TRIP12: variants seen among roughly 807,000 people sequenced by gnomAD.
TRIP12 encodes thyroid hormone receptor interactor 12.
A neutral mutation model predicts 244.2 loss-of-function variants in TRIP12; 25 were observed. That is an observed-to-expected ratio of 0.10 (90% confidence interval 0.07 to 0.14). TRIP12 has a LOEUF of 0.14. Among genes scored for constraint, TRIP12 ranks in the 10% least tolerant of loss-of-function variants. TRIP12 has a pLI of 1.00. For synonymous variants in TRIP12, 905 were observed against 873.1 expected (o/e 1.04, Z -0.64); for missense variants, 1,677 against 2,486.4 (o/e 0.67, Z 6.92).
intron 1 of TRIP12, among the ~76,000 whole-genome samples, chr2:229,880,815 A>C (rs2064693839): frequency 6.6e-6 from 1 of 152,058 alleles, no homozygotes; most frequent in African/African-American, 2.4e-5. Context: ...GTGGTGGCGC[A>C]CATTTGTAAA....
chr2:229,821,203 G>C (rs1456552827), intron 8 of TRIP12, among the ~76,000 whole-genome samples: 1 of 152,160 alleles, frequency 6.6e-6, no homozygotes, highest in East Asian at 1.9e-4. Context: ...GTACCGTTTA[G>C]TGCCACTGCT....
chr2:229,908,849 T>C (rs2073603011), intron 1 of TRIP12, among the ~76,000 whole-genome samples: 1 of 152,106 alleles, frequency 6.6e-6, no homozygotes, highest in African/African-American at 2.4e-5. Flanking sequence ...CCCAGCATTC[T>C]GGGAGGCCGA....
intron 1 of TRIP12, among the ~76,000 whole-genome samples, chr2:229,882,535 A>G (rs1006054086): frequency 2.0e-5 from 3 of 152,166 alleles, no homozygotes; most frequent in South Asian, 2.1e-4. Flanking sequence ...AGCACATCAA[A>G]GAATAAAAGG....
intron 2 of TRIP12, among the ~76,000 whole-genome samples, chr2:229,874,701 A>G (rs1235816938): frequency 6.6e-6 from 1 of 152,222 alleles, no homozygotes; most frequent in Admixed American, 6.5e-5. Context: ...AGCTACACGT[A>G]TAGAAAAGAC....
intron 1 of TRIP12, among the ~76,000 whole-genome samples, chr2:229,904,410 C>T (rs1184719240): frequency 7.4e-5 from 6 of 81,262 alleles, no homozygotes; most frequent in African/African-American, 3.6e-4. Context: ...AGTGAGACTC[C>T]ATCTCCAAAA....
chr2:229,856,498 A>G (rs1014339024), intron 4 of TRIP12, among the ~76,000 whole-genome samples: 3 of 152,218 alleles, frequency 2.0e-5, no homozygotes, highest in African/African-American at 7.2e-5. Flanking sequence ...AAGAAAAGAA[A>G]GCTGATCTCT....
intron 8 of TRIP12, among the ~76,000 whole-genome samples, chr2:229,820,882 G>A (rs533820946): frequency 9.2e-5 from 14 of 152,214 alleles, no homozygotes; most frequent in African/African-American, 2.9e-4. Flanking sequence ...GAGCCACCGC[G>A]CCTGGCCCAA....
intron 15 of TRIP12, among the ~76,000 whole-genome samples, chr2:229,809,856 C>T (rs1428308118): frequency 1.3e-5 from 2 of 152,154 alleles, no homozygotes. Flanking sequence ...AAATATAAAA[C>T]TGAGTTCCCC....
At chr2:229,877,497 C>T (rs891740704) in intron 2 of TRIP12, among the ~76,000 whole-genome samples, 2 of 152,192 alleles carry the variant, frequency 1.3e-5, no homozygotes, top group African/African-American at 4.8e-5. Flanking sequence ...CACAGCACTG[C>T]ACTCCGGCCT....
chr2:229,888,645 A>C (rs2066576755), intron 1 of TRIP12, among the ~76,000 whole-genome samples: 1 of 152,142 alleles, frequency 6.6e-6, no homozygotes, highest in South Asian at 2.1e-4. Context: ...CTCTACACAA[A>C]ATACAAAAAT....
chr2:229,807,987 A>T (rs556235934), intron 16 of TRIP12, 123 bp from the exon 17 acceptor site: 6 of 1,045,858 alleles, frequency 5.7e-6, no homozygotes, highest in Non-Finnish European at 8.1e-6. Flanking sequence ...TTTTTTGGAG[A>T]CAGAGTCTCA....
chr2:229,876,091 T>C (rs1203013438), intron 2 of TRIP12, among the ~76,000 whole-genome samples: 1 of 152,008 alleles, frequency 6.6e-6, no homozygotes, highest in East Asian at 1.9e-4. Context: ...CTGGCCGACA[T>C]AGTGAAACCT....
chr2:229,797,627 A>G (rs1425060996), intron 24 of TRIP12, 63 bp downstream of exon 24: 1 of 1,581,982 alleles, frequency 6.3e-7, no homozygotes, highest in African/African-American at 1.4e-5. Flanking sequence ...ATGAAGGAAA[A>G]GAGTAGCAGG....
In TRIP12 at chr2:229,778,537, G is replaced by A. The variant is rs2037045470; in HGVS notation, c.5260C>T (p.Leu1754Phe). The A allele has an allele frequency of 6.2e-7, 1 of 1,613,926 alleles. No individual in the cohort carries two copies. The highest frequency in any genetic ancestry group is 8.5e-7 in the Non-Finnish European group (1 of 1,179,946). ...YIQNLQGLFA[L>F]PFGRTAKPAH... Reference sequence around the variant, plus strand: ...GGCTTTGCTGTCCTACCAAAGGGAAGCGCAAACAGGCCCTGGAGGTTTTGA... The same window carrying A: ...GGCTTTGCTGTCCTACCAAAGGGAAACGCAAACAGGCCCTGGAGGTTTTGA... Residue 1754 changes from leucine (L) to phenylalanine (F), a missense_variant, in exon 36 of 42, where the codon CTT becomes TTT. Around this residue, in one of 11 missense-constraint regions of TRIP12, gnomAD observed 171 missense variants for 388.4 expected, o/e 0.44. Transcript: ENST00000675903. The surrounding 1 kb of genome is among the most constrained non-coding windows in gnomAD (Gnocchi z 4.1).
At chr2:229,823,592 C>T (rs759924697) in intron 8 of TRIP12, among the ~76,000 whole-genome samples, 6 of 151,704 alleles carry the variant, frequency 4.0e-5, no homozygotes, top group East Asian at 3.9e-4. Context: ...AGAAGAATGG[C>T]GTGAACCCGG....
At chr2:229,824,713 T>C (rs2051040379) in intron 8 of TRIP12, among the ~76,000 whole-genome samples, 1 of 152,214 alleles carries the variant, frequency 6.6e-6, no homozygotes, top group Admixed American at 6.5e-5. Context: ...GTATAAAGTT[T>C]GCTACTCTTA....
intron 31 of TRIP12, 55 bp downstream of exon 31, chr2:229,789,556 G>A: frequency 6.4e-7 from 1 of 1,571,280 alleles, no homozygotes; most frequent in Non-Finnish European, 8.6e-7. Flanking sequence ...TAGTGCAATA[G>A]GAAATTTATC....
intron 4 of TRIP12, among the ~76,000 whole-genome samples, chr2:229,850,256 T>TAA (rs2058400533): frequency 6.6e-6 from 1 of 152,202 alleles, no homozygotes; most frequent in South Asian, 2.1e-4. Flanking sequence ...TATTTACAAT[T>TAA]AAATGATCTC....
chr2:229,884,144 TATTTAC>T (rs1167124548), intron 1 of TRIP12, among the ~76,000 whole-genome samples: 2 of 152,064 alleles, frequency 1.3e-5, no homozygotes, highest in South Asian at 4.1e-4. Context: ...TGTTGTTTTA[TATTTAC>T]ATTTAAAAAT....
Sources: allele counts gnomAD v4.1 joint callset (sites outside exome capture counted in the v4.1 genomes callset), GRCh38; gene constraint gnomAD v4.1.1; regional missense constraint gnomAD v4.1.1; non-coding constraint Gnocchi (gnomAD v3.1); transcripts MANE v1.5; gene names NCBI Gene and HGNC (gene_info 2026-07-23, HGNC 2026-07-21).